TBC1D12: variants seen among roughly 807,000 people sequenced by gnomAD.
The protein encoded by TBC1D12 is TBC1 domain family member 12.
A neutral mutation model predicts 86.7 loss-of-function variants in TBC1D12; 56 were observed. The observed-to-expected ratio is 0.65, with a 90% confidence interval of 0.52 to 0.81. The LOEUF (loss-of-function observed/expected upper bound fraction) is 0.81, where lower values mean the gene tolerates loss of function less well. Among genes scored for constraint, TBC1D12 ranks in the 30% least tolerant of loss-of-function variants. TBC1D12 has a pLI of 0.00. For missense variants in TBC1D12, 1,023 were observed against 1,038.8 expected (o/e 0.98, Z 0.21); for synonymous variants, 421 against 411.7 (o/e 1.02, Z -0.27).
At chr10:94,465,828 G>A (rs567837904) in intron 2 of TBC1D12, among the ~76,000 whole-genome samples, 64 of 149,968 alleles carry the variant, frequency 4.3e-4, no homozygotes, top group African/African-American at 1.4e-3. Flanking sequence ...ACACATATAC[G>A]TATACGCATA....
At chr10:94,467,221 G>GTT (rs1039551206) in intron 2 of TBC1D12, among the ~76,000 whole-genome samples, 1 of 151,198 alleles carries the variant, frequency 6.6e-6, no homozygotes. Flanking sequence ...GTGTAGTCGA[G>GTT]TTTTTTTTTG....
Position 94,491,411 on chromosome 10 carries a change from A to G in TBC1D12, c.1212-1954A>G, listed in dbSNP as rs75989264. ...TGGACACTATTATGATTATATTTGGATAAGTGATAATATACCAGTGTATTT... is the reference window on the plus strand; with the variant it reads ...TGGACACTATTATGATTATATTTGGGTAAGTGATAATATACCAGTGTATTT... On this transcript the variant is annotated intron_variant, in intron 3 of 12. Transcript: ENST00000225235. Among the ~76,000 whole-genome samples, 393 of 152,324 alleles carry G rather than the reference A, an allele frequency of 2.6e-3. 10 individuals are homozygous for G. The East Asian group carries it at 0.06, about 23-fold the overall frequency.
At chr10:94,418,799 C>G (rs2055035352) in intron 1 of TBC1D12, among the ~76,000 whole-genome samples, 1 of 151,902 alleles carries the variant, frequency 6.6e-6, no homozygotes, top group African/African-American at 2.4e-5. Context: ...TCTTGAACGC[C>G]TGACCTCAAG....
At chr10:94,532,334 C>T (rs1015133873) in intron 12 of TBC1D12, among the ~76,000 whole-genome samples, 6 of 151,696 alleles carry the variant, frequency 4.0e-5, no homozygotes, top group South Asian at 2.1e-4. Flanking sequence ...CATGCCACCA[C>T]GCCCAGCTAA....
intron 3 of TBC1D12, among the ~76,000 whole-genome samples, chr10:94,490,743 A>T (rs1406047961): frequency 7.2e-5 from 11 of 152,114 alleles, no homozygotes; most frequent in Non-Finnish European, 2.9e-5. Flanking sequence ...CTTTTAGTTT[A>T]GGAGTAATTT....
At chr10:94,503,195 A>T (rs968138081) in intron 6 of TBC1D12, among the ~76,000 whole-genome samples, 2 of 152,218 alleles carry the variant, frequency 1.3e-5, no homozygotes, top group African/African-American at 4.8e-5. Flanking sequence ...TTTCCTTGAG[A>T]TAGCCAAATC....
intron 2 of TBC1D12, among the ~76,000 whole-genome samples, chr10:94,455,153 C>A (rs960822537): frequency 1.3e-5 from 2 of 151,566 alleles, no homozygotes; most frequent in Non-Finnish European, 2.9e-5. Flanking sequence ...GATTTTTGTT[C>A]TTTAGCCTCT....
chr10:94,482,224 T>C (rs1009071178), intron 3 of TBC1D12, among the ~76,000 whole-genome samples: 2 of 152,180 alleles, frequency 1.3e-5, no homozygotes, highest in African/African-American at 4.8e-5. Context: ...GTTCTCATCA[T>C]TTAGCTCTCA....
At chr10:94,479,322 T>C (rs2056042861) in intron 3 of TBC1D12, among the ~76,000 whole-genome samples, 1 of 152,214 alleles carries the variant, frequency 6.6e-6, no homozygotes, top group African/African-American at 2.4e-5. Context: ...TCCTGTGGTC[T>C]TATCTTCTTT....
At chr10:94,438,841 TCTCCCAGG>T (rs1424418875) in intron 1 of TBC1D12, among the ~76,000 whole-genome samples, 1 of 151,980 alleles carries the variant, frequency 6.6e-6, no homozygotes, top group Non-Finnish European at 1.5e-5. Context: ...TCTTGCTCTG[TCTCCCAGG>T]CTGGAGTACA....
intron 3 of TBC1D12, among the ~76,000 whole-genome samples, chr10:94,486,644 T>G (rs2056167000): frequency 6.6e-6 from 1 of 152,226 alleles, no homozygotes; most frequent in Non-Finnish European, 1.5e-5. Flanking sequence ...TCTAGTTTTA[T>G]TCCATTGTGA....
chr10:94,441,261 G>C (rs1236845413), intron 1 of TBC1D12, among the ~76,000 whole-genome samples: 1 of 151,430 alleles, frequency 6.6e-6, no homozygotes, highest in Non-Finnish European at 1.5e-5. Flanking sequence ...AGGAAAGACA[G>C]GTTATGTATA....
At chr10:94,447,731 T>C (rs1781306475) in intron 2 of TBC1D12, 1 of 969,172 alleles carries the variant, frequency 1.0e-6, no homozygotes, top group African/African-American at 1.8e-5. Context: ...ATATCGTAGT[T>C]CAGTTGACCT....
intron 1 of TBC1D12, among the ~76,000 whole-genome samples, chr10:94,409,062 T>C (rs933563117): frequency 6.6e-6 from 1 of 152,318 alleles, no homozygotes; most frequent in Admixed American, 6.5e-5. Context: ...TTATGTTAAA[T>C]TGGGGAGCTA....
In TBC1D12 at chr10:94,403,554, G is replaced by A. The variant is rs753950507; in HGVS notation, c.941G>A (p.Arg314Gln). ...GPAGASARAR[R>Q]SGGFADFFTR... ...GCGGGGGCTTCGGCCCGGGCTCGAC[G>A]GAGTGGCGGCTTCGCGGACTTCTTC... Residue 314 changes from arginine to glutamine, a missense_variant, in exon 1 of 13, where the codon CGG becomes CAG. Around this residue, in one of 2 missense-constraint regions of TBC1D12, gnomAD observed 628 missense variants for 531.1 expected, o/e 1.18. Coordinates refer to ENST00000225235, the MANE Select transcript of TBC1D12 (RefSeq NM_015188.2). The A allele has an allele frequency of 4.7e-6, 7 of 1,487,560 alleles. No individual in the cohort carries two copies. The South Asian group carries it at 5.6e-5, about 12-fold the overall frequency. 92.1% of individuals were successfully genotyped at this position (1,487,560 alleles called of 1,614,324 possible). A position where few individuals can be genotyped will look rare whatever the true frequency, so the allele number is the denominator to read the frequency against.
chr10:94,472,776 A>T (rs543468966), intron 2 of TBC1D12, among the ~76,000 whole-genome samples: 1 of 152,292 alleles, frequency 6.6e-6, no homozygotes, highest in Admixed American at 6.5e-5. Context: ...ATTGTTTTTG[A>T]TTATGAACGG....
chr10:94,424,726 A>AGAT (rs1162955122), intron 1 of TBC1D12, among the ~76,000 whole-genome samples: 8 of 152,226 alleles, frequency 5.3e-5, no homozygotes, highest in Non-Finnish European at 1.2e-4. Flanking sequence ...GGCCACATGG[A>AGAT]GATGGGTCAG....
At chr10:94,458,869 C>G (rs1422885197) in intron 2 of TBC1D12, among the ~76,000 whole-genome samples, 3 of 152,076 alleles carry the variant, frequency 2.0e-5, no homozygotes, top group African/African-American at 4.8e-5. Flanking sequence ...AAGCTGCAGA[C>G]CTTTGCAGTG....
chr10:94,487,874 G>T lies in TBC1D12; in HGVS notation c.1212-5491G>T, dbSNP rs200809133. 1.0e-3 allele frequency among the ~76,000 whole-genome samples: 149 copies of T among 149,078 alleles called. 4 individuals are homozygous for T. The East Asian group carries it at 0.022, about 22-fold the overall frequency. ...ACCATACCCAGCTGGTTTTTTTTTT[G>T]TTTTTTTAGTAAGGATGAAGTCTTG... On this transcript the variant is annotated intron_variant, in intron 3 of 12. Transcript: ENST00000225235.
Sources: gnomAD v4.1 joint callset for allele counts (sites outside exome capture counted in the v4.1 genomes callset) on GRCh38, gnomAD v4.1.1 for gene constraint, gnomAD v4.1.1 regional missense constraint, MANE v1.5 for transcripts, NCBI Gene and HGNC (gene_info 2026-07-23, HGNC 2026-07-21) for gene names.